Variants in ADAM12 observed in about 807,000 individuals in gnomAD.
The protein encoded by ADAM12 is disintegrin and metalloproteinase domain-containing protein 12.
In ADAM12, 70 loss-of-function variants were observed where a neutral mutation model predicts 106.4. The ratio of observed to expected loss-of-function variants is 0.66; its 90% CI spans 0.54 to 0.80. ADAM12 has a LOEUF of 0.80. Ranked by LOEUF, ADAM12 falls within the 30% of genes least tolerant of loss-of-function variation. The pLI is 0.00. For synonymous variants in ADAM12, 420 were observed against 433.5 expected (o/e 0.97, Z 0.39); for missense variants, 1,010 against 1,171.9 (o/e 0.86, Z 2.02).
At chr10:126,138,823 C>CTTTTTT (rs4019596) in intron 4 of ADAM12, among the ~76,000 whole-genome samples, 6 of 149,160 alleles carry the variant, frequency 4.0e-5, no homozygotes, top group East Asian at 2.0e-4. Context: ...ATATCTTTTT[C>CTTTTTT]TTTTTAAGAG....
At chr10:126,339,847 C>CTT (rs146232567) in intron 1 of ADAM12, among the ~76,000 whole-genome samples, 2,135 of 75,646 alleles carry the variant, frequency 0.028, 65 homozygotes, top group African/African-American at 0.042. Flanking sequence ...CATTCTAGGG[C>CTT]TTTTTTTTTT....
intron 1 of ADAM12, among the ~76,000 whole-genome samples, chr10:126,385,130 A>T (rs760113197): frequency 2.0e-5 from 3 of 152,214 alleles, no homozygotes; most frequent in Non-Finnish European, 4.4e-5. Flanking sequence ...GTTGGAAGAG[A>T]TGCAAAGGGC....
chr10:126,367,589 A>G (rs1462630972), intron 1 of ADAM12, among the ~76,000 whole-genome samples: 1 of 151,930 alleles, frequency 6.6e-6, no homozygotes, highest in African/African-American at 2.4e-5. Context: ...ACAAAAGAAA[A>G]TCTTTGAAAC....
intron 5 of ADAM12, among the ~76,000 whole-genome samples, chr10:126,119,400 G>C (rs1393240229): frequency 1.3e-5 from 2 of 152,206 alleles, no homozygotes; most frequent in Non-Finnish European, 2.9e-5. Context: ...CCCCAGGTCA[G>C]TGCTTGAGAG....
At chr10:126,188,552 T>C (rs760099792) in intron 3 of ADAM12, among the ~76,000 whole-genome samples, 2 of 152,202 alleles carry the variant, frequency 1.3e-5, no homozygotes, top group Non-Finnish European at 2.9e-5. Flanking sequence ...CTTGTCTGTG[T>C]GTGAACTTAC....
intron 1 of ADAM12, among the ~76,000 whole-genome samples, chr10:126,350,592 G>C (rs1035103312): frequency 6.6e-6 from 1 of 152,258 alleles, no homozygotes; most frequent in Admixed American, 6.5e-5. Flanking sequence ...ATTTTCCGCA[G>C]TGACCTGCAT....
intron 1 of ADAM12, among the ~76,000 whole-genome samples, chr10:126,356,340 C>T (rs991026159): frequency 1.3e-5 from 2 of 152,182 alleles, no homozygotes; most frequent in Non-Finnish European, 2.9e-5. Context: ...CTAGTGCTCT[C>T]ACCTGACACC....
At chr10:126,146,686 T>G (rs528203664) in intron 4 of ADAM12, among the ~76,000 whole-genome samples, 2 of 152,210 alleles carry the variant, frequency 1.3e-5, no homozygotes, top group African/African-American at 4.8e-5. Context: ...CTTTGTCTCC[T>G]TGCAGTCAGC....
At chr10:126,239,796 T>C (rs1469075559) in intron 3 of ADAM12, among the ~76,000 whole-genome samples, 3 of 152,240 alleles carry the variant, frequency 2.0e-5, no homozygotes, top group East Asian at 1.9e-4. Flanking sequence ...TATCTGATTA[T>C]GTATTCTTGA....
chr10:126,090,135 C>T (rs777915641), intron 11 of ADAM12, among the ~76,000 whole-genome samples: 1 of 151,962 alleles, frequency 6.6e-6, no homozygotes, highest in Non-Finnish European at 1.5e-5. Flanking sequence ...CTTTTCACCA[C>T]TAGAACACCA....
intron 2 of ADAM12, among the ~76,000 whole-genome samples, chr10:126,297,985 G>T (rs1014182402): frequency 2.0e-5 from 3 of 152,018 alleles, no homozygotes; most frequent in Non-Finnish European, 4.4e-5. Flanking sequence ...CCAGGGTTTG[G>T]GTTGGGATCT....
In ADAM12 at chr10:126,135,352, C is replaced by A. The variant is rs577571678; in HGVS notation, c.416+232G>T. 1.6e-5 allele frequency: 8 copies of A among 513,818 alleles called. No individual in the cohort carries two copies. The East Asian group carries it at 2.1e-4, about 13-fold the overall frequency. The allele number at this position is 513,818 out of a possible 1,614,324, so 31.8% of individuals were successfully genotyped here. On this transcript the variant is annotated intron_variant, in intron 5 of 22. Transcript: ENST00000448723. ...GTTCAGTCGCTTTTACCCCACCAGGCCTGAGGATGGCACTGTAAGAGGGGG... is the reference window on the plus strand; with the variant it reads ...GTTCAGTCGCTTTTACCCCACCAGGACTGAGGATGGCACTGTAAGAGGGGG...
At chr10:126,315,635 G>A (rs1853835327) in intron 2 of ADAM12, among the ~76,000 whole-genome samples, 1 of 152,050 alleles carries the variant, frequency 6.6e-6, no homozygotes, top group East Asian at 1.9e-4. Context: ...TGAACCAGAC[G>A]AGGCTCAGTA....
At chr10:126,021,013 A>AAAAAAG (rs1953756521) in intron 21 of ADAM12, among the ~76,000 whole-genome samples, 1 of 148,108 alleles carries the variant, frequency 6.8e-6, no homozygotes, top group African/African-American at 2.6e-5. Flanking sequence ...AAAAAAAAAA[A>AAAAAAG]TGTAAGAACA....
chr10:126,388,002 A>G lies in ADAM12; in HGVS notation c.88+56T>C. On this transcript the variant is annotated intron_variant, in intron 1 of 22. Transcript: ENST00000448723. This position sits in a 1 kb window ranked among gnomAD's most constrained non-coding sequence, Gnocchi z 4.4. Reference sequence around the variant, plus strand: ...CCTGGACCTCGGCGCGCCCAGGCGCAGCGTGCGGTGCCCTCGGCGGGGCGG... The same window carrying G: ...CCTGGACCTCGGCGCGCCCAGGCGCGGCGTGCGGTGCCCTCGGCGGGGCGG... 8.4e-7 allele frequency: 1 copy of G among 1,190,606 alleles called. No homozygotes were observed. Among genetic ancestry groups the G allele is most frequent in the Non-Finnish European group, 1.0e-6 (1 of 961,424 alleles). The allele number at this position is 1,190,606 out of a possible 1,614,324, so 73.8% of individuals were successfully genotyped here.
chr10:126,065,837 A>G (rs911954954), intron 13 of ADAM12, among the ~76,000 whole-genome samples: 1 of 152,098 alleles, frequency 6.6e-6, no homozygotes, highest in Non-Finnish European at 1.5e-5. Flanking sequence ...ACAGGCTCAG[A>G]CTTGCTTCCC....
intron 3 of ADAM12, among the ~76,000 whole-genome samples, chr10:126,162,640 C>T (rs114244111): frequency 0.025 from 3,796 of 152,138 alleles, 173 homozygotes; most frequent in African/African-American, 0.087. Context: ...AAAATACAGG[C>T]TCCAGGAAGG....
At chr10:126,096,522 A>G (rs897680544) in intron 10 of ADAM12, among the ~76,000 whole-genome samples, 1 of 152,260 alleles carries the variant, frequency 6.6e-6, no homozygotes, top group Non-Finnish European at 1.5e-5. Context: ...TGGTACTACA[A>G]TCCTGTTTTC....
At chr10:126,157,033 G>GCT (rs1565101347) in intron 3 of ADAM12, among the ~76,000 whole-genome samples, 28 of 151,672 alleles carry the variant, frequency 1.8e-4, no homozygotes, top group African/African-American at 6.5e-4. Context: ...GTGTGTGTGT[G>GCT]GGGGGGTGCT....
Sources: allele counts gnomAD v4.1 joint callset (sites outside exome capture counted in the v4.1 genomes callset), GRCh38; gene constraint gnomAD v4.1.1; non-coding constraint Gnocchi (gnomAD v3.1); transcripts MANE v1.5; gene names NCBI Gene and HGNC (gene_info 2026-07-23, HGNC 2026-07-21).